LAMA1: variants seen among roughly 807,000 people sequenced by gnomAD.
LAMA1 encodes the protein laminin subunit alpha 1, also known as laminin subunit alpha-1.
LAMA1 carries 219 observed loss-of-function variants against 348.7 expected under a neutral mutation model. The observed-to-expected ratio is 0.63, with a 90% CI of 0.56 to 0.70. The LOEUF is 0.70. LAMA1 is among the 30% of genes least tolerant of loss of function. The pLI, the probability that LAMA1 is intolerant of heterozygous loss-of-function variation, is 0.00. For missense variants in LAMA1, 3,744 were observed against 3,888.0 expected (o/e 0.96, Z 0.99); for synonymous variants, 1,487 against 1,491.0 (o/e 1.00, Z 0.06).
At chr18:6,949,003 A>C (rs1600340116) in intron 59 of LAMA1, 98 bp downstream of exon 59, 1 of 1,476,886 alleles carries the variant, frequency 6.8e-7, no homozygotes, top group East Asian at 2.3e-5. Context: ...GGTTCAAACA[A>C]GGTAATTTAA....
chr18:7,106,133 T>A (rs1373074206), intron 1 of LAMA1, among the ~76,000 whole-genome samples: 2 of 151,480 alleles, frequency 1.3e-5, no homozygotes, highest in Non-Finnish European at 2.9e-5. Context: ...ATGAGGAGAG[T>A]CAGTTGGGAC....
chr18:7,108,295 C>T (rs182393465), intron 1 of LAMA1, among the ~76,000 whole-genome samples: 30 of 152,020 alleles, frequency 2.0e-4, no homozygotes, highest in Middle Eastern at 3.4e-3. Context: ...GAGATGGCAC[C>T]ACTGCACTCC....
rs1381785729 is a variant in LAMA1 at position 6,965,190 on chromosome 18, C to T, written c.7195+98G>A. The T allele has an allele frequency of 4.1e-6, 6 of 1,455,566 alleles. No homozygotes were observed. In the East Asian group the frequency reaches 6.8e-5, roughly 16 times the overall value. 90.2% of individuals were successfully genotyped at this position (1,455,566 alleles called of 1,614,324 possible). A position where few individuals can be genotyped will look rare whatever the true frequency, so the allele number is the denominator to read the frequency against. On this transcript the variant is annotated intron_variant, in intron 50 of 62. Coordinates refer to ENST00000389658, the MANE Select transcript of LAMA1 (RefSeq NM_005559.4). ...CTTCCAAGTAGACTATCATTCAATA[C>T]CCAGGAAACTACTGTGGAAAAAAAG...
chr18:6,977,638 G>A lies in LAMA1; in HGVS notation c.6345+89C>T. On this transcript the variant is annotated intron_variant, in intron 44 of 62. Transcript: ENST00000389658. ...GTCTTTGGAAGCCCTAAGGGGCGCA[G>A]TGTGACTGAGGGCCATGTCTGCATG... 4 of 1,507,690 alleles carry A rather than the reference G, an allele frequency of 2.7e-6. No homozygotes were observed. The South Asian group carries it at 4.6e-5, about 17-fold the overall frequency. The allele number at this position is 1,507,690 out of a possible 1,614,324, so 93.4% of individuals were successfully genotyped here.
At position 7,008,558 on chromosome 18, in the gene LAMA1, G is replaced by A. The variant is rs750181333; in HGVS notation, c.4052C>T (p.Pro1351Leu). 1.9e-6 allele frequency: 3 copies of A among 1,613,982 alleles called. No homozygotes were observed. Among genetic ancestry groups the A allele is most frequent in the Non-Finnish European group, 2.5e-6 (3 of 1,179,944 alleles). ...EVGRKAEKLHPEEEVASLLEN... is the reference protein window; with the variant it reads ...EVGRKAEKLHLEEEVASLLEN... ...TAAAAGAGATGCAACCTCTTCTTCTGGGTGCAGCTTTTCAGCCTTTCTGCC... is the reference window on the plus strand; with the variant it reads ...TAAAAGAGATGCAACCTCTTCTTCTAGGTGCAGCTTTTCAGCCTTTCTGCC... The change falls in exon 28 of 63, where the codon CCA becomes CTA. Residue 1351 changes from proline (P) to leucine (L), a missense_variant. Pro to Leu is a moderately conservative substitution (Grantham distance 98). Coordinates refer to ENST00000389658, the MANE Select transcript of LAMA1 (RefSeq NM_005559.4).
At chr18:6,959,264 C>T (rs1008123020) in intron 54 of LAMA1, 77 bp downstream of exon 54, 21 of 1,599,620 alleles carry the variant, frequency 1.3e-5, no homozygotes, top group Non-Finnish European at 1.8e-5. Context: ...GCCCAGGGCA[C>T]CACCGCAAGG....
At chr18:7,102,112 G>C (rs144260237) in intron 1 of LAMA1, among the ~76,000 whole-genome samples, 5 of 152,182 alleles carry the variant, frequency 3.3e-5, no homozygotes, top group Non-Finnish European at 5.9e-5. Context: ...TTCAAGGAAA[G>C]TTTGATTATA....
intron 57 of LAMA1, among the ~76,000 whole-genome samples, chr18:6,951,190 G>C (rs626072): frequency 0.77 from 117,416 of 152,086 alleles, 45,602 homozygotes; most frequent in East Asian, 0.84. Context: ...ATAAAGCTGT[G>C]AACAAAGAGG....
intron 61 of LAMA1, among the ~76,000 whole-genome samples, chr18:6,946,057 G>C (rs951492599): frequency 1.3e-5 from 2 of 152,064 alleles, no homozygotes; most frequent in Non-Finnish European, 2.9e-5. Context: ...AGTTCATTTT[G>C]TTGCCAGCAG....
At chr18:7,038,786 C>A in intron 11 of LAMA1, 24 bp downstream of exon 11, 3 of 1,613,688 alleles carry the variant, frequency 1.9e-6, no homozygotes, top group Non-Finnish European at 2.5e-6. Context: ...CATTAAATCC[C>A]GCCGCGCAGA....
intron 22 of LAMA1, among the ~76,000 whole-genome samples, chr18:7,014,631 T>C (rs1325367462): frequency 6.7e-6 from 1 of 149,122 alleles, no homozygotes; most frequent in Non-Finnish European, 1.5e-5. Context: ...CAGAGTAAGA[T>C]CCTGTCTCAA....
rs1006319829 is a variant in LAMA1, at chr18:6,973,149, T to C, written c.6682A>G (p.Thr2228Ala). ...GTCCCAGGGGATTTACTTGTTTTTG[T>C]TGGTGACTTTTGATTTGAGCTCATT... is the stretch of plus-strand genomic sequence containing the variant. ...KEMSSNQKSP[T>A]KTSKSPGTAN... Residue 2228 changes from threonine (T) to alanine (A), a missense_variant, in exon 47 of 63, where the codon ACA (threonine) becomes GCA (alanine). Physicochemically the swap from Thr to Ala is moderately conservative, Grantham distance 58. Coordinates refer to ENST00000389658, the MANE Select transcript of LAMA1 (RefSeq NM_005559.4). 2 of 1,614,048 alleles carry C rather than the reference T, an allele frequency of 1.2e-6. No homozygotes were observed. The highest frequency in any genetic ancestry group is 1.1e-5 in the South Asian group (1 of 91,090).
At chr18:7,040,000 T>C (rs2058013274) in intron 10 of LAMA1, 76 bp downstream of exon 10, 3 of 1,543,136 alleles carry the variant, frequency 1.9e-6, no homozygotes, top group South Asian at 1.1e-5. Context: ...AACTGATCAT[T>C]GGAGCCAATG....
intron 1 of LAMA1, among the ~76,000 whole-genome samples, chr18:7,105,132 T>C (rs762720563): frequency 6.6e-6 from 1 of 152,018 alleles, no homozygotes; most frequent in Non-Finnish European, 1.5e-5. Context: ...GCATAATGAA[T>C]TATCAATTAT....
At chr18:7,077,203 T>C (rs2058172323) in intron 3 of LAMA1, among the ~76,000 whole-genome samples, 1 of 143,934 alleles carries the variant, frequency 6.9e-6, no homozygotes, top group South Asian at 2.3e-4. Flanking sequence ...TCTTTTCTTT[T>C]TTTTTTTTTT....
At chr18:6,981,285 C>A (rs537339194) in intron 41 of LAMA1, among the ~76,000 whole-genome samples, 2 of 152,206 alleles carry the variant, frequency 1.3e-5, no homozygotes, top group African/African-American at 4.8e-5. Context: ...ACTTTCTATT[C>A]CCATCTGAAT....
chr18:7,099,720 A>G (rs545498886), intron 1 of LAMA1, among the ~76,000 whole-genome samples: 1 of 151,862 alleles, frequency 6.6e-6, no homozygotes, highest in South Asian at 2.1e-4. Flanking sequence ...AATAAAAAAT[A>G]AAAAAAACCT....
At chr18:6,963,778 TAG>T (rs1241934240) in intron 51 of LAMA1, 1 of 152,212 alleles carries the variant, frequency 6.6e-6, no homozygotes, top group African/African-American at 2.4e-5. Context: ...GAAAGAACCT[TAG>T]AGTTTAATTA....
chr18:6,973,247 T>C, intron 46 of LAMA1, 40 bp from the exon 47 acceptor site: 1 of 1,599,966 alleles, frequency 6.3e-7, no homozygotes, highest in Non-Finnish European at 8.6e-7. Flanking sequence ...TTTTCAGAAT[T>C]TCCAGTCAGC....
Sources: gnomAD v4.1 joint callset for allele counts (sites outside exome capture counted in the v4.1 genomes callset) on GRCh38, gnomAD v4.1.1 for gene constraint, MANE v1.5 for transcripts, NCBI Gene and HGNC (gene_info 2026-07-23, HGNC 2026-07-21) for gene names.